The following SSH2 variants were observed in gnomAD, a reference collection of about 807,000 sequenced individuals.
SSH2 encodes slingshot protein phosphatase 2, also known as protein phosphatase Slingshot homolog 2.
A neutral mutation model predicts 135.2 loss-of-function variants in SSH2; 37 were observed. The ratio of observed to expected loss-of-function variants is 0.27; its 90% CI spans 0.21 to 0.36. The LOEUF is 0.36. Among genes scored for constraint, SSH2 ranks in the 10% least tolerant of loss-of-function variants. SSH2 has a pLI of 1.00. For missense variants in SSH2, 1,408 were observed against 1,765.3 expected (o/e 0.80, Z 3.63); for synonymous variants, 628 against 646.2 (o/e 0.97, Z 0.43).
intron 2 of SSH2, among the ~76,000 whole-genome samples, chr17:29,830,799 C>T (rs1405242113): frequency 1.3e-5 from 2 of 152,158 alleles, no homozygotes; most frequent in Admixed American, 6.5e-5. Flanking sequence ...TTCTGCTCTC[C>T]TCTTGGTATT....
chr17:29,783,101 A>G (rs2041875732), intron 3 of SSH2, among the ~76,000 whole-genome samples: 1 of 151,906 alleles, frequency 6.6e-6, no homozygotes, highest in Non-Finnish European at 1.5e-5. Context: ...TGGCTCAGAG[A>G]TAAAATCACA....
intron 11 of SSH2, among the ~76,000 whole-genome samples, chr17:29,660,953 T>C (rs146380651): frequency 0.017 from 2,582 of 147,586 alleles, 31 homozygotes; most frequent in Middle Eastern, 0.058. Flanking sequence ...CCCAGCTACT[T>C]GGGCGGCTGA....
intron 11 of SSH2, 143 bp downstream of exon 11, chr17:29,666,724 T>A: frequency 1.4e-6 from 1 of 710,650 alleles, no homozygotes; most frequent in Non-Finnish European, 2.3e-6. Context: ...AATTAGGAAG[T>A]GATGAGGTTT....
At position 29,913,347 on chromosome 17, in the gene SSH2, A is replaced by AAAAATTAT; in HGVS notation, c.63+16590_63+16591insATAATTTT. On this transcript the variant is annotated intron_variant, in intron 1 of 15. Coordinates refer to ENST00000540801, the MANE Select transcript of SSH2 (RefSeq NM_001282129.2). ...AAAAAAAAAAAAAAAAAAAAAAAAA[A>AAAAATTAT]ATATATATATATATATATATATATA... Among the ~76,000 whole-genome samples, 21 of 28,786 alleles carry AAAAATTAT rather than the reference A, an allele frequency of 7.3e-4. 5 individuals carry two copies. The East Asian group carries it at 0.02, about 27-fold the overall frequency. 18.9% of individuals were successfully genotyped at this position (28,786 alleles called of 152,430 possible). A position where few individuals can be genotyped will look rare whatever the true frequency, so the allele number is the denominator to read the frequency against.
At chr17:29,792,978 A>T (rs1309117537) in intron 3 of SSH2, among the ~76,000 whole-genome samples, 2 of 152,028 alleles carry the variant, frequency 1.3e-5, no homozygotes, top group Non-Finnish European at 2.9e-5. Flanking sequence ...CCGGCCTGAT[A>T]ATTATTAAAG....
At chr17:29,891,787 G>A (rs2066354764) in intron 1 of SSH2, among the ~76,000 whole-genome samples, 1 of 152,142 alleles carries the variant, frequency 6.6e-6, no homozygotes, top group Non-Finnish European at 1.5e-5. Flanking sequence ...AAAGGTCTCA[G>A]TACAGACCAC....
intron 14 of SSH2, among the ~76,000 whole-genome samples, chr17:29,641,265 C>T (rs2036148837): frequency 1.3e-5 from 2 of 152,146 alleles, no homozygotes; most frequent in African/African-American, 2.4e-5. Context: ...AAGCTTTGTC[C>T]TGAGACAGTT....
chr17:29,890,957 T>C (rs1186098201), intron 1 of SSH2, among the ~76,000 whole-genome samples: 1 of 152,042 alleles, frequency 6.6e-6, no homozygotes, highest in East Asian at 1.9e-4. Flanking sequence ...GGTTTCATCA[T>C]GTTGGCCAGG....
chr17:29,720,667 A>AG (rs1352627991), intron 3 of SSH2, among the ~76,000 whole-genome samples: 2 of 152,176 alleles, frequency 1.3e-5, no homozygotes, highest in African/African-American at 4.8e-5. Context: ...AATGAAATCT[A>AG]GGAGGGGCAC....
chr17:29,727,037 T>C (rs908866114), intron 3 of SSH2, among the ~76,000 whole-genome samples: 3 of 152,252 alleles, frequency 2.0e-5, no homozygotes, highest in Admixed American at 1.3e-4. Flanking sequence ...CACACATGTC[T>C]ATATCATTTC....
chr17:29,825,210 A>G (rs1037035761), intron 2 of SSH2, among the ~76,000 whole-genome samples: 3 of 152,144 alleles, frequency 2.0e-5, no homozygotes, highest in African/African-American at 7.2e-5. Flanking sequence ...GTGCACAATC[A>G]AGGAGAAGTA....
chr17:29,647,193 C>T (rs551368214), intron 14 of SSH2, among the ~76,000 whole-genome samples: 44 of 150,314 alleles, frequency 2.9e-4, no homozygotes, highest in African/African-American at 9.3e-4. Context: ...ACCTGGGAGG[C>T]GGAGATTGCT....
In SSH2 at chr17:29,630,873, GT is replaced by G; in HGVS notation, c.4320del (p.Lys1440AsnfsTer21). The G allele has an allele frequency of 6.4e-7, 1 of 1,569,042 alleles. No individual in the cohort carries two copies. The highest frequency in any genetic ancestry group is 1.8e-5 in the Admixed American group (1 of 54,512). On this transcript the variant is annotated frameshift_variant, in exon 16 of 16. Coordinates refer to ENST00000540801, the MANE Select transcript of SSH2 (RefSeq NM_001282129.2). LOFTEE classifies it high-confidence loss of function. ...GTATTATAGAAGGGGTTGGTTGTCC[GT>G]TTTTTGTCATTTGCCTTTTTCAGTC... Reference protein sequence around the residue: ...LRRLKKANDKKRTTNPFYNTM With the variant: ...LRRLKKANDKXRTTNPFYNTM
At chr17:29,724,686 T>A (rs1598882383) in intron 3 of SSH2, among the ~76,000 whole-genome samples, 1 of 144,584 alleles carries the variant, frequency 6.9e-6, no homozygotes, top group Non-Finnish European at 1.5e-5. Flanking sequence ...ACCTCACGGG[T>A]TCTAGCAATT....
At chr17:29,840,924 T>C (rs182542926) in intron 2 of SSH2, among the ~76,000 whole-genome samples, 149 of 152,304 alleles carry the variant, frequency 9.8e-4, no homozygotes, top group Admixed American at 2.0e-3. Context: ...CTGACCCAGA[T>C]TGTCTGAACC....
rs561593987 is a variant in SSH2 at position 29,736,971 on chromosome 17, C to T, written c.189-33909G>A. 1.3e-3 allele frequency among the ~76,000 whole-genome samples: 185 copies of T among 143,222 alleles called. 6 individuals are homozygous for T. The South Asian group carries it at 0.037, about 29-fold the overall frequency. The allele number at this position is 143,222 out of a possible 152,430, so 94.0% of individuals were successfully genotyped here. On this transcript the variant is annotated intron_variant, in intron 3 of 15. Transcript: ENST00000540801. Reference sequence around the variant, plus strand: ...AAAATTAGCTGGGCATGGGGGTGGGCGCCTGTAGTCCCAGCTACTCGGGAG... The same window carrying T: ...AAAATTAGCTGGGCATGGGGGTGGGTGCCTGTAGTCCCAGCTACTCGGGAG...
intron 3 of SSH2, among the ~76,000 whole-genome samples, chr17:29,731,747 T>C (rs889528524): frequency 6.6e-6 from 1 of 152,174 alleles, no homozygotes; most frequent in Non-Finnish European, 1.5e-5. Context: ...AAGTAATTCT[T>C]AAAGAATGCC....
intron 1 of SSH2, among the ~76,000 whole-genome samples, chr17:29,917,833 C>T (rs1022304144): frequency 5.3e-5 from 8 of 151,592 alleles, no homozygotes; most frequent in African/African-American, 1.7e-4. Flanking sequence ...CCAGCCTGGG[C>T]GACAGAGCAA....
intron 11 of SSH2, among the ~76,000 whole-genome samples, chr17:29,657,581 T>TTTTG (rs2036841095): frequency 7.1e-6 from 1 of 140,280 alleles, no homozygotes; most frequent in Non-Finnish European, 1.6e-5. Flanking sequence ...TTTGTTTTTT[T>TTTTG]TTTTTTTTTT....
Sources: allele counts gnomAD v4.1 joint callset (sites outside exome capture counted in the v4.1 genomes callset), GRCh38; gene constraint gnomAD v4.1.1; transcripts MANE v1.5; gene names NCBI Gene and HGNC (gene_info 2026-07-23, HGNC 2026-07-21).